The following TENM3 variants were observed in gnomAD, a reference collection of about 807,000 sequenced individuals.
TENM3 encodes the protein teneurin-3.
A neutral mutation model predicts 255.1 loss-of-function variants in TENM3; 63 were observed. That is an observed-to-expected ratio of 0.25 (90% CI 0.20 to 0.30). The LOEUF (loss-of-function observed/expected upper bound fraction) is 0.30, where lower values mean the gene tolerates loss of function less well. Ranked by LOEUF, TENM3 falls within the 10% of genes least tolerant of loss-of-function variation. The probability of loss-of-function intolerance (pLI) is 1.00; values close to 1 mark genes in which losing one functional copy is unlikely to be tolerated. For missense variants in TENM3, 2,929 were observed against 3,461.1 expected (o/e 0.85, Z 3.86); for synonymous variants, 1,306 against 1,322.3 (o/e 0.99, Z 0.27).
At chr4:182,051,568 G>T in the TENM3 span, among the ~76,000 whole-genome samples, 2 of 151,836 alleles carry the variant, frequency 1.3e-5, no homozygotes, top group East Asian at 4.0e-4. Flanking sequence ...TAGTAGAGAT[G>T]GGGTTTCACC....
chr4:182,289,578 A>C (rs1760977104), intron 1 of TENM3, among the ~76,000 whole-genome samples: 1 of 152,078 alleles, frequency 6.6e-6, no homozygotes. Context: ...ACATTTACTG[A>C]AAAGTTAAAG....
intron 3 of TENM3, among the ~76,000 whole-genome samples, chr4:182,529,055 A>G (rs546790387): frequency 9.2e-5 from 14 of 152,214 alleles, no homozygotes; most frequent in Non-Finnish European, 1.8e-4. Flanking sequence ...TGTGATTTCT[A>G]TGCTTGCGAC....
At chr4:182,410,890 T>C (rs920109958) in intron 3 of TENM3, among the ~76,000 whole-genome samples, 5 of 152,244 alleles carry the variant, frequency 3.3e-5, no homozygotes, top group Admixed American at 1.3e-4. Context: ...ATATTTTGAA[T>C]ATTTTCTCCT....
At chr4:182,746,968 G>C (rs189922578) in intron 19 of TENM3, among the ~76,000 whole-genome samples, 8 of 152,230 alleles carry the variant, frequency 5.3e-5, no homozygotes, top group African/African-American at 1.7e-4. Context: ...TCTTCTTTTA[G>C]CTTAAAAAAT....
chr4:182,352,412 G>A (rs1765246339), intron 3 of TENM3, among the ~76,000 whole-genome samples: 2 of 152,024 alleles, frequency 1.3e-5, no homozygotes, highest in Admixed American at 1.3e-4. Context: ...TTCCCTCAAA[G>A]GCATGTTACT....
chr4:181,867,056 CATT>C, the TENM3 span, among the ~76,000 whole-genome samples: 1 of 152,162 alleles, frequency 6.6e-6, no homozygotes, highest in Non-Finnish European at 1.5e-5. Flanking sequence ...TCTCATCATG[CATT>C]ATTATAATCC....
chr4:182,379,214 G>A (rs4862044), intron 3 of TENM3, among the ~76,000 whole-genome samples: 122,650 of 152,012 alleles, frequency 0.81, 50,133 homozygotes, highest in Non-Finnish European at 0.88. Context: ...AAAATTAGCC[G>A]GGCGTGGTAG....
chr4:182,231,515 C>G (rs1756580130), intron 1 of TENM3, among the ~76,000 whole-genome samples: 1 of 152,208 alleles, frequency 6.6e-6, no homozygotes, highest in Non-Finnish European at 1.5e-5. Flanking sequence ...CCCATTTGCT[C>G]AGCTTTATAT....
the TENM3 span, among the ~76,000 whole-genome samples, chr4:181,532,325 C>T: frequency 6.6e-6 from 1 of 152,042 alleles, no homozygotes; most frequent in Non-Finnish European, 1.5e-5. Flanking sequence ...AGGATTAGGA[C>T]CCTGCCAGAT....
chr4:182,480,448 A>G (rs1734085463), intron 3 of TENM3, among the ~76,000 whole-genome samples: 1 of 152,090 alleles, frequency 6.6e-6, no homozygotes, highest in Admixed American at 6.5e-5. Flanking sequence ...ATGTTTTTCA[A>G]AATCACAATT....
At chr4:182,224,980 C>T (rs546590162) in intron 1 of TENM3, among the ~76,000 whole-genome samples, 2 of 152,228 alleles carry the variant, frequency 1.3e-5, no homozygotes, top group South Asian at 4.1e-4. Context: ...GATCTGCCCA[C>T]CTTGGCCTCC....
intron 6 of TENM3, among the ~76,000 whole-genome samples, chr4:182,666,156 C>T (rs1189992267): frequency 2.6e-5 from 4 of 152,070 alleles, no homozygotes; most frequent in African/African-American, 4.8e-5. Flanking sequence ...CTTTAATGGA[C>T]GAGGAGTTGT....
intron 3 of TENM3, among the ~76,000 whole-genome samples, chr4:182,355,935 A>G (rs1441423948): frequency 1.3e-5 from 2 of 150,142 alleles, no homozygotes; most frequent in East Asian, 3.9e-4. Flanking sequence ...ATGAAATTCA[A>G]TTAGATTTTG....
the TENM3 span, among the ~76,000 whole-genome samples, chr4:181,447,988 A>G: frequency 2.6e-5 from 4 of 151,780 alleles, no homozygotes; most frequent in African/African-American, 4.8e-5. Flanking sequence ...TTGTGCGTGT[A>G]AGTGTGCAAT....
chr4:182,657,678 G>A (rs559988104), intron 6 of TENM3, among the ~76,000 whole-genome samples: 29 of 152,066 alleles, frequency 1.9e-4, no homozygotes, highest in African/African-American at 7.0e-4. Flanking sequence ...TTTTGAGACA[G>A]GGTCTCACTC....
chr4:182,553,504 A>G (rs1309007621), intron 3 of TENM3, among the ~76,000 whole-genome samples: 2 of 152,086 alleles, frequency 1.3e-5, no homozygotes, highest in East Asian at 1.9e-4. Context: ...CGTTGTGCAC[A>G]TGTACCCTAG....
At chr4:181,867,832 GGT>G in the TENM3 span, among the ~76,000 whole-genome samples, 1 of 152,026 alleles carries the variant, frequency 6.6e-6, no homozygotes, top group Admixed American at 6.6e-5. Flanking sequence ...ACACCTTTTT[GGT>G]AAGTAGCATA....
chr4:181,506,223 C>T, the TENM3 span, among the ~76,000 whole-genome samples: 11 of 152,268 alleles, frequency 7.2e-5, no homozygotes, highest in African/African-American at 1.9e-4. Context: ...TTTGTACTCT[C>T]ATCCTGCCAG....
intron 3 of TENM3, among the ~76,000 whole-genome samples, chr4:182,596,824 A>G (rs1747285941): frequency 6.6e-6 from 1 of 152,214 alleles, no homozygotes; most frequent in South Asian, 2.1e-4. Flanking sequence ...GGTATGTTGC[A>G]GTAACATTAA....
Sources: gnomAD v4.1 joint callset for allele counts (sites outside exome capture counted in the v4.1 genomes callset) on GRCh38, gnomAD v4.1.1 for gene constraint, MANE v1.5 for transcripts, NCBI Gene and HGNC (gene_info 2026-07-23, HGNC 2026-07-21) for gene names.